CCNO: variants seen among roughly 807,000 people sequenced by gnomAD.
The protein encoded by CCNO is cyclin-O.
A neutral mutation model predicts 23.9 loss-of-function variants in CCNO; 24 were observed. The observed-to-expected ratio is 1.00, with a 90% CI of 0.73 to 1.41. CCNO has a LOEUF of 1.41. Among genes scored for constraint, CCNO ranks in the 40% most tolerant of loss-of-function variants. The pLI is 0.00. For synonymous variants in CCNO, 241 were observed against 225.7 expected, an observed-to-expected ratio of 1.07 and a Z score of -0.61; for missense variants, 542 against 476.2, an observed-to-expected ratio of 1.14 and a Z score of -1.29.
chr5:55,233,430 T>C lies in CCNO; in HGVS notation c.94A>G (p.Ser32Gly), dbSNP rs373400250. 1 of 1,607,080 alleles carries C rather than the reference T, an allele frequency of 6.2e-7. No individual in the cohort carries two copies. Among genetic ancestry groups the C allele is most frequent in the Non-Finnish European group, 8.5e-7 (1 of 1,177,610 alleles). Residue 32 changes from serine to glycine, a missense_variant, in exon 1 of 3, where the codon AGC (serine) becomes GGC (glycine). By Grantham distance (56) the Ser-to-Gly change is moderately conservative. Transcript: ENST00000282572. ...TTCCTCCGGAGGCGCGGACGCCTGCTCTTCTTCACCGGGGCGCGAAGGTTC... is the reference window on the plus strand; with the variant it reads ...TTCCTCCGGAGGCGCGGACGCCTGCCCTTCTTCACCGGGGCGCGAAGGTTC... ...DQNLRAPVKK[S>G]RRPRLRRKQP... is the part of the protein sequence containing the mutation.
rs773188175 is a variant in CCNO, at chr5:55,232,551, C to T, written c.382-5G>A. 3 of 1,613,198 alleles carry T rather than the reference C, an allele frequency of 1.9e-6. No individual in the cohort carries two copies. The highest frequency in any genetic ancestry group is 1.7e-6 in the Non-Finnish European group (2 of 1,179,894). On this transcript the variant is annotated splice_polypyrimidine_tract_variant and splice_region_variant and intron_variant, in intron 1 of 2. Transcript: ENST00000282572. ...ACAGCGGGATTCCGCCGTCACCTGC[C>T]GGGAAGGAGGGGGGAGGCGGGCCCG...
chr5:55,232,591 G>C, intron 1 of CCNO, 45 bp from the exon 2 acceptor site: 1 of 1,586,402 alleles, frequency 6.3e-7, no homozygotes, highest in Non-Finnish European at 8.6e-7. Flanking sequence ...GCTTAGGGTG[G>C]AGAGGGACTG....
At position 55,231,174 on chromosome 5, in the gene CCNO, AT is replaced by A. The variant is rs1463488393; in HGVS notation, c.*200del. 8 of 610,480 alleles carry A rather than the reference AT, an allele frequency of 1.3e-5. No individual in the cohort carries two copies. Among genetic ancestry groups the A allele is most frequent in the Admixed American group, 6.0e-5 (2 of 33,548 alleles). The allele number at this position is 610,480 out of a possible 1,614,324, so 37.8% of individuals were successfully genotyped here. Reference sequence around the variant, plus strand: ...GGATTTAGACAAACCACAACTGTTTATTGGTGAAAGACTCAGCTTCCTCATG... The same window carrying A: ...GGATTTAGACAAACCACAACTGTTTATGGTGAAAGACTCAGCTTCCTCATG... On this transcript the variant is annotated 3_prime_UTR_variant, in exon 3 of 3. Coordinates refer to ENST00000282572, the MANE Select transcript of CCNO (RefSeq NM_021147.5).
At position 55,231,573 on chromosome 5, in the gene CCNO, G is replaced by C. The variant is rs969245138; in HGVS notation, c.855C>G (p.Ile285Met). ...TGCGGTCCGCCAGCGCCAGGCAGCAGATCGCCAGGAGGGAAGGGGAGTAGC... is the reference window on the plus strand; with the variant it reads ...TGCGGTCCGCCAGCGCCAGGCAGCACATCGCCAGGAGGGAAGGGGAGTAGC... ...FTSYSPSLLA[I>M]CCLALADRML... The change falls in exon 3 of 3, where the codon ATC (isoleucine) becomes ATG (methionine). Residue 285 changes from isoleucine (I) to methionine (M), a missense_variant. Coordinates refer to ENST00000282572, the MANE Select transcript of CCNO (RefSeq NM_021147.5). 1 of 1,613,590 alleles carries C rather than the reference G, an allele frequency of 6.2e-7. No homozygotes were observed. Among genetic ancestry groups the C allele is most frequent in the Non-Finnish European group, 8.5e-7 (1 of 1,179,950 alleles).
chr5:55,231,904 GC>G, intron 2 of CCNO, 44 bp from the exon 3 acceptor site: 2 of 1,485,374 alleles, frequency 1.3e-6, no homozygotes, highest in South Asian at 1.3e-5. Flanking sequence ...GGCTTCCCGG[GC>G]CCCAGGCCCA....
intron 1 of CCNO, chr5:55,232,927 G>T: frequency 1.6e-6 from 1 of 606,804 alleles, no homozygotes; most frequent in Non-Finnish European, 2.9e-6. Context: ...AGCCAGCTTG[G>T]GACGGGGCAA....
chr5:55,232,289 C>T, intron 2 of CCNO, 72 bp downstream of exon 2: 4 of 1,394,926 alleles, frequency 2.9e-6, no homozygotes, highest in Non-Finnish European at 4.1e-6. Context: ...GAAAGACGGG[C>T]GGCCAGGGAG....
At position 55,231,442 on chromosome 5, in the gene CCNO, G is replaced by A. The variant is rs766513382; in HGVS notation, c.986C>T (p.Thr329Ile). 6.2e-7 allele frequency: 1 copy of A among 1,614,190 alleles called. No homozygotes were observed. Among genetic ancestry groups the A allele is most frequent in the Non-Finnish European group, 8.5e-7 (1 of 1,180,036 alleles). The change falls in exon 3 of 3, where the codon ACT (threonine) becomes ATT (isoleucine). Residue 329 changes from threonine (T) to isoleucine (I), a missense_variant. Thr to Ile is a moderately conservative substitution (Grantham distance 89). Coordinates refer to ENST00000282572, the MANE Select transcript of CCNO (RefSeq NM_021147.5). ...KLQLLVAINSTSLTHMLPVQI... is the reference protein window; with the variant it reads ...KLQLLVAINSISLTHMLPVQI... Reference sequence around the variant, plus strand: ...AACGGGCAGCATGTGAGTCAAGGAAGTACTGTTTATGGCCACCAGCAGCTG... The same window carrying A: ...AACGGGCAGCATGTGAGTCAAGGAAATACTGTTTATGGCCACCAGCAGCTG...
chr5:55,231,958 A>G, intron 2 of CCNO, 98 bp from the exon 3 acceptor site: 1 of 1,357,080 alleles, frequency 7.4e-7, no homozygotes, highest in Non-Finnish European at 9.7e-7. Context: ...TTCCAGAGAG[A>G]CAGCCGGGGC....
Position 55,233,560 on chromosome 5 carries a change from C to T in CCNO, c.-37G>A. ...GTGGCCGCTTTACTACCTTCAACGC[C>T]CGGGCTGCGGCGGGCAGCAAACGCG... is the stretch of plus-strand genomic sequence containing the variant. On this transcript the variant is annotated 5_prime_UTR_variant, in exon 1 of 3. Coordinates refer to ENST00000282572, the MANE Select transcript of CCNO (RefSeq NM_021147.5). 5 of 1,485,960 alleles carry T rather than the reference C, an allele frequency of 3.4e-6. No homozygotes were observed. The highest frequency in any genetic ancestry group is 4.4e-6 in the Non-Finnish European group (5 of 1,124,868). The allele number at this position is 1,485,960 out of a possible 1,614,324, so 92.0% of individuals were successfully genotyped here. A position where few individuals can be genotyped will look rare whatever the true frequency, so the allele number is the denominator to read the frequency against.
At position 55,233,484 on chromosome 5, in the gene CCNO, C is replaced by T; in HGVS notation, c.40G>A (p.Ala14Thr). The part of the protein sequence containing the change: ...PCPTSPSSPA[A>T]RAGRRDNDQN... ...TCGTTGTCCCGCCTCCCCGCTCGGG[C>T]GGCGGGGCTCGAGGGGCTGGTGGGA... The change falls in exon 1 of 3, where the codon GCC (alanine) becomes ACC (threonine). Residue 14 changes from alanine (A) to threonine (T), a missense_variant. Ala to Thr is a moderately conservative substitution (Grantham distance 58). Coordinates refer to ENST00000282572, the MANE Select transcript of CCNO (RefSeq NM_021147.5). The T allele has an allele frequency of 6.3e-7, 1 of 1,597,362 alleles. No individual in the cohort carries two copies. The highest frequency in any genetic ancestry group is 8.5e-7 in the Non-Finnish European group (1 of 1,171,868).
chr5:55,232,844 TA>T (rs1745633039), intron 1 of CCNO: 1 of 586,682 alleles, frequency 1.7e-6, no homozygotes, highest in Admixed American at 3.0e-5. Flanking sequence ...TCAGGGGTGT[TA>T]AATAACTTGC....
At position 55,231,634 on chromosome 5, in the gene CCNO, ACCCC is replaced by A. The variant is rs769899297; in HGVS notation, c.790_793del (p.Gly264TrpfsTer4). On this transcript the variant is annotated frameshift_variant, in exon 3 of 3. Transcript: ENST00000282572. LOFTEE classifies it high-confidence loss of function. ...ATAGTCGGCCAGACTCAGCTCTGCCACCCCCCGCGCCAGGGCTTGCGCTTCCAGA... is the reference window on the plus strand; with the variant it reads ...ATAGTCGGCCAGACTCAGCTCTGCCACCGCGCCAGGGCTTGCGCTTCCAGA... The A allele has an allele frequency of 1.3e-6, 2 of 1,598,922 alleles. No homozygotes were observed. The highest frequency in any genetic ancestry group is 1.7e-6 in the Non-Finnish European group (2 of 1,173,632).
chr5:55,232,496 G>C lies in CCNO; in HGVS notation c.432C>G (p.His144Gln). The change falls in exon 2 of 3, where the codon CAC (histidine) becomes CAG (glutamine). Residue 144 changes from histidine to glutamine, a missense_variant. Coordinates refer to ENST00000282572, the MANE Select transcript of CCNO (RefSeq NM_021147.5). ...CKLLSWLIPV[H>Q]RQFGLSFESL... ...ACTCGAAGGAGAGGCCGAATTGGCG[G>C]TGCACCGGGATCAGCCAGCTGAGCA... 6.2e-7 allele frequency: 1 copy of C among 1,613,874 alleles called. No individual in the cohort carries two copies. Among genetic ancestry groups the C allele is most frequent in the Non-Finnish European group, 8.5e-7 (1 of 1,180,044 alleles).
chr5:55,233,605 G>C lies in CCNO; in HGVS notation c.-82C>G. On this transcript the variant is annotated 5_prime_UTR_variant, in exon 1 of 3. Coordinates refer to ENST00000282572, the MANE Select transcript of CCNO (RefSeq NM_021147.5). ...AACGCGCACTCGAAAGTGCGAAGGAGGCCGGGCTCAGAGGCTGGCGCGGTC... is the reference window on the plus strand; with the variant it reads ...AACGCGCACTCGAAAGTGCGAAGGACGCCGGGCTCAGAGGCTGGCGCGGTC... The C allele has an allele frequency of 7.3e-7, 1 of 1,361,742 alleles. No homozygotes were observed. The highest frequency in any genetic ancestry group is 9.7e-7 in the Non-Finnish European group (1 of 1,030,846). The allele number at this position is 1,361,742 out of a possible 1,614,324, so 84.4% of individuals were successfully genotyped here. A position where few individuals can be genotyped will look rare whatever the true frequency, so the allele number is the denominator to read the frequency against.
In CCNO at chr5:55,231,843, C is replaced by T. The variant is rs745659620; in HGVS notation, c.585G>A (p.Pro195=). The T allele has an allele frequency of 7.1e-6, 11 of 1,541,690 alleles. No homozygotes were observed. The highest frequency in any genetic ancestry group is 6.1e-6 in the Non-Finnish European group (7 of 1,142,334). ...AGAGGGCCAGAAGCTGCTTCACGCGCGGCGGGTGCACCTCCACCTGCAACA... is the reference window on the plus strand; with the variant it reads ...AGAGGGCCAGAAGCTGCTTCACGCGTGGCGGGTGCACCTCCACCTGCAACA... ...IACKQVEVHP[P]RVKQLLALCC... is the part of the protein sequence containing the mutation. Residue 195 remains proline (P), a synonymous_variant, in exon 3 of 3, where the codon CCG becomes CCA. Coordinates refer to ENST00000282572, the MANE Select transcript of CCNO (RefSeq NM_021147.5).
rs773473286 is a variant in CCNO, at chr5:55,233,407, C to A, written c.117G>T (p.Arg39Ser). Residue 39 changes from arginine (R) to serine (S), a missense_variant, in exon 1 of 3, where the codon AGG becomes AGT. Physicochemically the swap from Arg to Ser is moderately radical, Grantham distance 110. Coordinates refer to ENST00000282572, the MANE Select transcript of CCNO (RefSeq NM_021147.5). The part of the protein sequence containing the change: ...VKKSRRPRLR[R>S]KQPLHPLNPC... ...GGTTCAGGGGATGCAGCGGCTGCTT[C>A]CTCCGGAGGCGCGGACGCCTGCTCT... The A allele has an allele frequency of 1.2e-6, 2 of 1,609,506 alleles. No homozygotes were observed. Among genetic ancestry groups the A allele is most frequent in the Non-Finnish European group, 8.5e-7 (1 of 1,178,702 alleles).
chr5:55,233,509 A>T lies in CCNO; in HGVS notation c.15T>A (p.Cys5Ter). Residue 5 changes from cysteine (C) to a stop codon, truncating the protein, a stop_gained, in exon 1 of 3, where the codon TGT becomes TGA. Transcript: ENST00000282572. LOFTEE classifies it high-confidence loss of function. The part of the protein sequence containing the change: MVTP[C>*]PTSPSSPAAR... Reference sequence around the variant, plus strand: ...CGGCGGGGCTCGAGGGGCTGGTGGGACAGGGGGTCACCATGATGCGGCCGG... The same window carrying T: ...CGGCGGGGCTCGAGGGGCTGGTGGGTCAGGGGGTCACCATGATGCGGCCGG... The T allele has an allele frequency of 6.3e-7, 1 of 1,582,626 alleles. No individual in the cohort carries two copies. Among genetic ancestry groups the T allele is most frequent in the Non-Finnish European group, 8.6e-7 (1 of 1,165,238 alleles).
intron 1 of CCNO, chr5:55,232,761 C>G (rs1473070224): frequency 1.7e-6 from 1 of 602,244 alleles, no homozygotes; most frequent in African/African-American, 1.9e-5. Flanking sequence ...GCGTCGTACA[C>G]GTTACCTCGC....
Sources: allele counts gnomAD v4.1 joint callset, GRCh38; gene constraint gnomAD v4.1.1; transcripts MANE v1.5; gene names NCBI Gene and HGNC (gene_info 2026-07-23, HGNC 2026-07-21).